The following DNAH2 variants were observed in gnomAD, a reference collection of about 807,000 sequenced individuals.
DNAH2 encodes the protein axonemal beta dynein heavy chain 2.
Under a neutral mutation model 523.5 loss-of-function variants are expected in DNAH2, and 323 were observed. That is an observed-to-expected ratio of 0.62 (90% CI 0.56 to 0.68). The LOEUF is 0.68. DNAH2 is among the 30% of genes least tolerant of loss of function. The probability of loss-of-function intolerance (pLI) is 0.00; values close to 1 mark genes in which losing one functional copy is unlikely to be tolerated. For missense variants in DNAH2, 4,907 were observed against 5,701.5 expected (o/e 0.86, Z 4.49); for synonymous variants, 2,093 against 2,177.4 (o/e 0.96, Z 1.08).
chr17:7,761,543 A>G (rs1314132720), intron 18 of DNAH2, among the ~76,000 whole-genome samples: 1 of 149,194 alleles, frequency 6.7e-6, no homozygotes, highest in Non-Finnish European at 1.5e-5. Flanking sequence ...TCACTCTGTC[A>G]TCCACGCTGG....
Position 7,740,967 on chromosome 17 carries a change from G to C in DNAH2, c.1664G>C (p.Arg555Pro). The change falls in exon 11 of 86, where the codon CGG (arginine) becomes CCG (proline). Residue 555 changes from arginine to proline, a missense_variant. Physicochemically the swap from Arg to Pro is moderately radical, Grantham distance 103. Coordinates refer to ENST00000572933, the MANE Select transcript of DNAH2 (RefSeq NM_020877.5). ...AAGGCGCGCTGGGTGCACATCCTCCGGCGTCGCATCGACAGAGTCATGACC... is the reference window on the plus strand; with the variant it reads ...AAGGCGCGCTGGGTGCACATCCTCCCGCGTCGCATCGACAGAGTCATGACC... ...SGKARWVHIL[R>P]RRIDRVMTCL... 6.2e-7 allele frequency: 1 copy of C among 1,606,106 alleles called. No individual in the cohort carries two copies. The highest frequency in any genetic ancestry group is 8.5e-7 in the Non-Finnish European group (1 of 1,173,734).
chr17:7,777,769 C>A, intron 33 of DNAH2, 135 bp downstream of exon 33: 1 of 1,107,390 alleles, frequency 9.0e-7, no homozygotes, highest in Non-Finnish European at 1.3e-6. Context: ...TCCGGTTCTT[C>A]CTTCCATCTC....
Position 7,823,467 on chromosome 17 carries a change from A to G in DNAH2, c.11168A>G (p.Asp3723Gly). ...GTCTTGGATCGGGAGGGCCAAATGG[A>G]CAATCCATGTAGTAGCTGGCTTGCA... Reference protein sequence around the residue: ...GVVLDREGQMDNPCSSWLADA... With the variant: ...GVVLDREGQMGNPCSSWLADA... Residue 3723 changes from aspartate (D) to glycine (G), a missense_variant, in exon 74 of 86, where the codon GAC becomes GGC. Physicochemically the swap from Asp to Gly is moderately conservative, Grantham distance 94. Around this residue, in one of 3 missense-constraint regions of DNAH2, gnomAD observed 1,851 missense variants for 2,139.4 expected, o/e 0.87. Coordinates refer to ENST00000572933, the MANE Select transcript of DNAH2 (RefSeq NM_020877.5). 6.2e-7 allele frequency: 1 copy of G among 1,614,024 alleles called. No homozygotes were observed. Among genetic ancestry groups the G allele is most frequent in the Non-Finnish European group, 8.5e-7 (1 of 1,179,990 alleles).
Position 7,831,649 on chromosome 17 carries a change from C to T in DNAH2, c.12612-12C>T. Reference sequence around the variant, plus strand: ...CCACCTCATCTCTAACACTCCACCTCATCCTGCTCAGGTTCTCACTGACAG... The same window carrying T: ...CCACCTCATCTCTAACACTCCACCTTATCCTGCTCAGGTTCTCACTGACAG... On this transcript the variant is annotated splice_polypyrimidine_tract_variant and intron_variant, in intron 81 of 85. Coordinates refer to ENST00000572933, the MANE Select transcript of DNAH2 (RefSeq NM_020877.5). The surrounding 1 kb of genome is among the most constrained non-coding windows in gnomAD (Gnocchi z 4.2). 2 of 1,613,844 alleles carry T rather than the reference C, an allele frequency of 1.2e-6. No homozygotes were observed. Among genetic ancestry groups the T allele is most frequent in the Non-Finnish European group, 1.7e-6 (2 of 1,179,738 alleles).
At chr17:7,743,236 T>C (rs1372498696) in intron 12 of DNAH2, 94 bp downstream of exon 12, 1 of 1,238,140 alleles carries the variant, frequency 8.1e-7, no homozygotes, top group Non-Finnish European at 1.2e-6. Context: ...TCTTCATTAT[T>C]CTCTCTCTTT....
rs143195235 is a variant in DNAH2 at position 7,828,850 on chromosome 17, G to A, written c.11854-1450G>A. 6.6e-6 allele frequency among the ~76,000 whole-genome samples: 1 copy of A among 152,126 alleles called. No individual in the cohort carries two copies. Among genetic ancestry groups the A allele is most frequent in the African/African-American group, 2.4e-5 (1 of 41,426 alleles). On this transcript the variant is annotated intron_variant, in intron 77 of 85. Transcript: ENST00000572933. The surrounding 1 kb of genome is among the most constrained non-coding windows in gnomAD (Gnocchi z 4.1). ...TAAGTGGCATTTTTTAAAAAGTCAT[G>A]TTATTTTTGTTACTGCTATCCAGTA...
intron 44 of DNAH2, among the ~76,000 whole-genome samples, chr17:7,790,202 G>A (rs2076859020): frequency 6.6e-6 from 1 of 152,186 alleles, no homozygotes; most frequent in Non-Finnish European, 1.5e-5. Context: ...CTCTAAATAT[G>A]CTCTTTCCAT....
intron 63 of DNAH2, among the ~76,000 whole-genome samples, chr17:7,809,966 GGT>G (rs1196457959): frequency 6.6e-6 from 1 of 151,752 alleles, no homozygotes; most frequent in Non-Finnish European, 1.5e-5. Context: ...TGGGATTACA[GGT>G]GTGAGCCACC....
intron 60 of DNAH2, 83 bp downstream of exon 60, chr17:7,805,157 G>T (rs2077335121): frequency 1.3e-6 from 2 of 1,595,978 alleles, no homozygotes; most frequent in Admixed American, 1.7e-5. Context: ...TGTCCTCAAA[G>T]ACTCTGGGGA....
rs1331496980 is a variant in DNAH2 at position 7,765,445 on chromosome 17, C to G, written c.3391C>G (p.Leu1131Val). 6.2e-7 allele frequency: 1 copy of G among 1,614,262 alleles called. No homozygotes were observed. Reference sequence around the variant, plus strand: ...GGAGTGGGTTGTCTTCCAACAAACTCTGCTGGACAGTAAGCAAATGCTGAA... The same window carrying G: ...GGAGTGGGTTGTCTTCCAACAAACTGTGCTGGACAGTAAGCAAATGCTGAA... ...NGEWVVFQQT[L>V]LDSKQMLKKH... The change falls in exon 21 of 86, where the codon CTG (leucine) becomes GTG (valine). Residue 1131 changes from leucine to valine, a missense_variant. Transcript: ENST00000572933.
chr17:7,767,867 C>A, intron 22 of DNAH2, 33 bp from the exon 23 acceptor site: 1 of 1,612,750 alleles, frequency 6.2e-7, no homozygotes, highest in Non-Finnish European at 8.5e-7. Flanking sequence ...AGGGCAGGTG[C>A]CACTTCATGC....
At chr17:7,720,026 G>T in intron 2 of DNAH2, 126 bp downstream of exon 2, 1 of 1,197,450 alleles carries the variant, frequency 8.4e-7, no homozygotes, top group Non-Finnish European at 1.1e-6. Flanking sequence ...GCTAAGTGAC[G>T]CCCCCAGCCA....
At chr17:7,778,509 A>G (rs2076519394) in intron 35 of DNAH2, 40 bp downstream of exon 35, 2 of 1,546,286 alleles carry the variant, frequency 1.3e-6, no homozygotes, top group South Asian at 2.4e-5. Context: ...CCCCTTAAAT[A>G]CCTTTTCGTC....
At position 7,780,358 on chromosome 17, in the gene DNAH2, C is replaced by G; in HGVS notation, c.5850+74C>G. On this transcript the variant is annotated intron_variant, in intron 37 of 85. Transcript: ENST00000572933. The surrounding 1 kb of genome is among the most constrained non-coding windows in gnomAD (Gnocchi z 4.4). ...TTATTCCCTGGACAGAGGAGCTCCCCAAGGGCCTCACAATCAGCTTATCCT... is the reference window on the plus strand; with the variant it reads ...TTATTCCCTGGACAGAGGAGCTCCCGAAGGGCCTCACAATCAGCTTATCCT... The G allele has an allele frequency of 6.3e-7, 1 of 1,596,658 alleles. No homozygotes were observed. Among genetic ancestry groups the G allele is most frequent in the South Asian group, 1.1e-5 (1 of 89,350 alleles).
Position 7,787,985 on chromosome 17 carries a change from G to A in DNAH2, c.6729G>A (p.Glu2243=). The A allele has an allele frequency of 6.2e-7, 1 of 1,614,230 alleles. No homozygotes were observed. The highest frequency in any genetic ancestry group is 8.5e-7 in the Non-Finnish European group (1 of 1,180,020). Residue 2243 remains glutamate (E), a synonymous_variant, in exon 43 of 86, where the codon GAG becomes GAA. Transcript: ENST00000572933. ...GWKPYVQSWL[E]KRPKAEVEPL... ...AGCCCTATGTTCAGTCATGGCTGGA[G>A]AAGAGGCCAAAGGTATGAAGGGAAC...
intron 2 of DNAH2, 107 bp from the exon 3 acceptor site, chr17:7,723,521 C>T: frequency 1.2e-6 from 1 of 867,372 alleles, no homozygotes; most frequent in Non-Finnish European, 2.0e-6. Context: ...ATCCTCCCGC[C>T]TAGTACTCCC....
At position 7,797,236 on chromosome 17, in the gene DNAH2, C is replaced by G; in HGVS notation, c.7924C>G (p.Arg2642Gly). The G allele has an allele frequency of 1.9e-6, 3 of 1,614,092 alleles. No homozygotes were observed. The highest frequency in any genetic ancestry group is 1.3e-5 in the African/African-American group (1 of 75,018). The change falls in exon 51 of 86, where the codon CGG becomes GGG. Residue 2642 changes from arginine to glycine, a missense_variant. Physicochemically the swap from Arg to Gly is moderately radical, Grantham distance 125. Around this residue, in one of 3 missense-constraint regions of DNAH2, gnomAD observed 250 missense variants for 371.3 expected, o/e 0.67. Coordinates refer to ENST00000572933, the MANE Select transcript of DNAH2 (RefSeq NM_020877.5). ...DFHDTKSSIT[R>G]LWIHECFRVF... ...CCATGATACCAAGTCCAGCATCACA[C>G]GGCTCTGGATCCATGAATGTTTCAG...
In DNAH2 at chr17:7,791,390, T is replaced by A. The variant is rs182951333; in HGVS notation, c.6901-527T>A. Among the ~76,000 whole-genome samples the A allele has an allele frequency of 3.7e-3, 565 of 152,290 alleles. 8 individuals are homozygous for A. The East Asian group carries it at 0.047, about 13-fold the overall frequency. ...CTGACTGAAAATGTGGTATTTTTTT[T>A]TAAAACTATATCATGCTATATACTG... On this transcript the variant is annotated intron_variant, in intron 44 of 85. Coordinates refer to ENST00000572933, the MANE Select transcript of DNAH2 (RefSeq NM_020877.5).
Position 7,833,524 on chromosome 17 carries a change from G to A in DNAH2, c.13275G>A (p.Leu4425=). The A allele has an allele frequency of 6.2e-7, 1 of 1,613,782 alleles. No individual in the cohort carries two copies. Among genetic ancestry groups the A allele is most frequent in the South Asian group, 1.1e-5 (1 of 91,080 alleles). ...IKRGTALLMS[L]DS ...GGGGCACTGCTCTACTCATGAGCCT[G>A]GACAGCTGAGACCTCCTCCTCTTCT... The change falls in exon 86 of 86, where the codon CTG becomes CTA. Residue 4425 remains leucine (L), a synonymous_variant. Coordinates refer to ENST00000572933, the MANE Select transcript of DNAH2 (RefSeq NM_020877.5).
Sources: gnomAD v4.1 joint callset for allele counts (sites outside exome capture counted in the v4.1 genomes callset) on GRCh38, gnomAD v4.1.1 for gene constraint, gnomAD v4.1.1 regional missense constraint, Gnocchi (gnomAD v3.1) non-coding constraint, MANE v1.5 for transcripts, NCBI Gene and HGNC (gene_info 2026-07-23, HGNC 2026-07-21) for gene names.